IL1RAPL2: variants seen among roughly 807,000 people sequenced by gnomAD.
The protein encoded by IL1RAPL2 is interleukin 1 receptor accessory protein like 2.
In IL1RAPL2, 3 loss-of-function variants were observed where a neutral mutation model predicts 44.1. The ratio of observed to expected loss-of-function variants is 0.07; its 90% CI spans 0.03 to 0.18. The LOEUF (loss-of-function observed/expected upper bound fraction) is 0.18. Among genes scored for constraint, IL1RAPL2 ranks in the 10% least tolerant of loss-of-function variants. The pLI is 1.00. For missense variants in IL1RAPL2, 391 were observed against 496.4 expected, an observed-to-expected ratio of 0.79 and a Z score of 2.02; for synonymous variants, 181 against 178.8, an observed-to-expected ratio of 1.01 and a Z score of -0.10.
intron 2 of IL1RAPL2, among the ~76,000 whole-genome samples, chrX:105,035,085 G>T (rs56101510): frequency 2.7e-5 from 3 of 111,566 alleles, no homozygotes; most frequent in Non-Finnish European, 5.7e-5. Flanking sequence ...TTTTAAGCCC[G>T]TTGGAAAAGT....
At chrX:105,657,707 C>T (rs1158693472) in intron 6 of IL1RAPL2, among the ~76,000 whole-genome samples, 1 of 111,759 alleles carries the variant, frequency 8.9e-6, no homozygotes, top group Admixed American at 9.5e-5. Context: ...CTCCGCCTCC[C>T]GGTTCAAGCG....
Position 105,098,560 on chromosome X carries a change from A to C in IL1RAPL2, c.83-96915A>C, listed in dbSNP as rs748446529. ...CTCTTAGGAAAATCTCTGATCTTGT[A>C]TTCCCAAATATTTGGATATATTTTG... On this transcript the variant is annotated intron_variant, in intron 2 of 10. Transcript: ENST00000372582. Among the ~76,000 whole-genome samples the C allele has an allele frequency of 1.2e-4, 13 of 112,456 alleles. No individual in the cohort carries two copies. The South Asian group carries it at 4.4e-3, about 38-fold the overall frequency.
intron 2 of IL1RAPL2, among the ~76,000 whole-genome samples, chrX:104,930,857 G>A (rs1250469832): frequency 1.8e-5 from 2 of 111,431 alleles, no homozygotes; most frequent in Admixed American, 9.6e-5. Context: ...AAGAAACTGA[G>A]TGAGGCTTAG....
At chrX:105,271,852 G>T (rs1863800273) in intron 5 of IL1RAPL2, among the ~76,000 whole-genome samples, 1 of 107,421 alleles carries the variant, frequency 9.3e-6, no homozygotes, top group Admixed American at 1.0e-4. Flanking sequence ...TCTGTTGTTG[G>T]TGTATAAGAA....
chrX:104,873,496 G>A (rs1471624391), intron 2 of IL1RAPL2, among the ~76,000 whole-genome samples: 1 of 111,947 alleles, frequency 8.9e-6, no homozygotes, highest in Non-Finnish European at 1.9e-5. Flanking sequence ...ATAGAAGGTT[G>A]ATTTCTCACT....
intron 1 of IL1RAPL2, among the ~76,000 whole-genome samples, chrX:104,624,883 T>A (rs971907028): frequency 2.1e-4 from 24 of 111,648 alleles, no homozygotes; most frequent in African/African-American, 7.8e-4. Flanking sequence ...CATAGAAAGA[T>A]GTTCACTAAA....
At chrX:104,624,872 G>A (rs1446069892) in intron 1 of IL1RAPL2, among the ~76,000 whole-genome samples, 1 of 111,108 alleles carries the variant, frequency 9.0e-6, no homozygotes, top group Non-Finnish European at 1.9e-5. Context: ...ACTTACACTA[G>A]CATAGAAAGA....
intron 4 of IL1RAPL2, among the ~76,000 whole-genome samples, chrX:105,256,737 G>T (rs1435757568): frequency 1.8e-5 from 2 of 111,458 alleles, no homozygotes; most frequent in Non-Finnish European, 3.8e-5. Flanking sequence ...TCACTTCTAG[G>T]TTTTCTAATT....
At chrX:104,633,396 G>T (rs1466305336) in intron 1 of IL1RAPL2, among the ~76,000 whole-genome samples, 3 of 111,560 alleles carry the variant, frequency 2.7e-5, no homozygotes, top group Admixed American at 9.5e-5. Context: ...CTATTGATTG[G>T]AATAGTTTCA....
intron 2 of IL1RAPL2, among the ~76,000 whole-genome samples, chrX:104,953,746 A>G (rs1246701416): frequency 2.7e-5 from 3 of 111,796 alleles, no homozygotes; most frequent in Admixed American, 1.9e-4. Flanking sequence ...TACATGTTCT[A>G]ATATGTTCCT....
rs775465523 is a variant in IL1RAPL2, at chrX:105,052,378, G to T, written c.83-143097G>T. Among the ~76,000 whole-genome samples the T allele has an allele frequency of 1.5e-3, 169 of 111,956 alleles. 2 individuals carry two copies. Among genetic ancestry groups the T allele is most frequent in the African/African-American group, 3.9e-3 (120 of 30,822 alleles). On this transcript the variant is annotated intron_variant, in intron 2 of 10. Transcript: ENST00000372582. ...GCCGTAAAGAAAACTGGGAAATATA[G>T]TCTTTATGCTGGGTGACCATGTGTT...
chrX:105,080,313 T>G (rs137975908), intron 2 of IL1RAPL2, among the ~76,000 whole-genome samples: 9,292 of 111,888 alleles, frequency 0.083, 985 homozygotes, highest in African/African-American at 0.29. Context: ...GTCCTGAATG[T>G]TATTGCCTAG....
Position 105,761,220 on chromosome X carries a change from TACACACACACACACACACACACAC to T in IL1RAPL2, c.1364-5725_1364-5702del, listed in dbSNP as rs113089380. 6.3e-3 allele frequency among the ~76,000 whole-genome samples: 534 copies of T among 84,117 alleles called. 5 individuals carry two copies. The highest frequency in any genetic ancestry group is 0.022 in the African/African-American group (511 of 22,815). The allele number at this position is 84,117 out of a possible 115,157, so 73.0% of individuals were successfully genotyped here. A position where few individuals can be genotyped will look rare whatever the true frequency, so the allele number is the denominator to read the frequency against. ...GAAAAAGAAAAAAAAACTCTTCCTATACACACACACACACACACACACACACACACACACACACACACGGCTAAC... is the reference window on the plus strand; with the variant it reads ...GAAAAAGAAAAAAAAACTCTTCCTATACACACACACACACACACGGCTAAC... On this transcript the variant is annotated intron_variant, in intron 10 of 10. Coordinates refer to ENST00000372582, the MANE Select transcript of IL1RAPL2 (RefSeq NM_017416.2).
intron 5 of IL1RAPL2, among the ~76,000 whole-genome samples, chrX:105,478,867 C>G (rs1461667373): frequency 4.5e-5 from 5 of 111,757 alleles, no homozygotes; most frequent in Non-Finnish European, 7.5e-5. Flanking sequence ...ATACTATCTT[C>G]TTTGCTGAAT....
chrX:104,887,004 C>G (rs1923268043), intron 2 of IL1RAPL2, among the ~76,000 whole-genome samples: 1 of 112,567 alleles, frequency 8.9e-6, no homozygotes. Context: ...CCAGCTTTTC[C>G]TACAGCAGGT....
At chrX:104,647,835 A>G in intron 1 of IL1RAPL2, 1 of 566,414 alleles carries the variant, frequency 1.8e-6, no homozygotes, top group Non-Finnish European at 3.1e-6. Flanking sequence ...GGGATAGGAA[A>G]GTGAGTCCCT....
intron 7 of IL1RAPL2, among the ~76,000 whole-genome samples, chrX:105,733,725 A>G (rs2038424145): frequency 9.0e-6 from 1 of 110,808 alleles, no homozygotes; most frequent in Non-Finnish European, 1.9e-5. Context: ...TATGTTGTCC[A>G]CTATTTTCAT....
At chrX:105,622,184 A>G (rs1486544338) in intron 6 of IL1RAPL2, among the ~76,000 whole-genome samples, 1 of 109,537 alleles carries the variant, frequency 9.1e-6, no homozygotes, top group African/African-American at 3.3e-5. Context: ...AATGTTTTAA[A>G]GTATTTAGGA....
At chrX:105,138,554 G>A (rs2033098563) in intron 2 of IL1RAPL2, among the ~76,000 whole-genome samples, 1 of 108,929 alleles carries the variant, frequency 9.2e-6, no homozygotes, top group African/African-American at 3.3e-5. Context: ...GAAATTAGAG[G>A]AAGAAAGAAC....
Sources: gnomAD v4.1 joint callset for allele counts (sites outside exome capture counted in the v4.1 genomes callset) on GRCh38, gnomAD v4.1.1 for gene constraint, MANE v1.5 for transcripts, NCBI Gene and HGNC (gene_info 2026-07-23, HGNC 2026-07-21) for gene names.